Variants in NAALADL2 observed in about 807,000 individuals in gnomAD.
NAALADL2 encodes the protein N-acetylated alpha-linked acidic dipeptidase like 2, also known as inactive N-acetylated-alpha-linked acidic dipeptidase-like protein 2.
NAALADL2 carries 76 observed loss-of-function variants against 87.2 expected under a neutral mutation model. The ratio of observed to expected loss-of-function variants is 0.87; its 90% CI spans 0.72 to 1.05. NAALADL2 has a LOEUF of 1.05. Ranked by LOEUF, NAALADL2 falls within the 50% of genes least tolerant of loss-of-function variation. The pLI is 0.00. For synonymous variants in NAALADL2, 354 were observed against 331.0 expected, an observed-to-expected ratio of 1.07 and a Z score of -0.75; for missense variants, 1,089 against 945.8, an observed-to-expected ratio of 1.15 and a Z score of -1.99.
At chr3:174,563,747 C>T (rs911135807) in intron 2 of NAALADL2, among the ~76,000 whole-genome samples, 1 of 152,014 alleles carries the variant, frequency 6.6e-6, no homozygotes, top group Admixed American at 6.6e-5. Flanking sequence ...GATTTAATTA[C>T]ATTCTGATCA....
chr3:174,861,668 T>A (rs1726524995), intron 1 of NAALADL2, among the ~76,000 whole-genome samples: 1 of 152,108 alleles, frequency 6.6e-6, no homozygotes, highest in Admixed American at 6.6e-5. Flanking sequence ...ATCAAGTGCT[T>A]TGAATAATGA....
intron 4 of NAALADL2, among the ~76,000 whole-genome samples, chr3:175,260,763 C>A (rs1398192925): frequency 6.6e-6 from 1 of 152,064 alleles, no homozygotes; most frequent in Non-Finnish European, 1.5e-5. Flanking sequence ...GGGAGGGAAT[C>A]TCTACATCCG....
At chr3:175,673,356 T>A (rs141436629) in intron 11 of NAALADL2, among the ~76,000 whole-genome samples, 1 of 152,132 alleles carries the variant, frequency 6.6e-6, no homozygotes, top group South Asian at 2.1e-4. Flanking sequence ...AATAGCTATA[T>A]AATATTATTC....
intron 13 of NAALADL2, chr3:175,773,550 A>T (rs1474323371): frequency 6.6e-6 from 1 of 152,086 alleles, no homozygotes; most frequent in Non-Finnish European, 1.5e-5. Context: ...AGGAAGCATG[A>T]CCTCAGAATA....
intron 10 of NAALADL2, among the ~76,000 whole-genome samples, chr3:175,585,360 T>G (rs1720396848): frequency 6.6e-6 from 1 of 152,108 alleles, no homozygotes; most frequent in South Asian, 2.1e-4. Context: ...CTAAAACACC[T>G]TTTATCTTCT....
chr3:175,707,779 AG>A (rs1739931311), intron 11 of NAALADL2, among the ~76,000 whole-genome samples: 1 of 152,102 alleles, frequency 6.6e-6, no homozygotes, highest in Non-Finnish European at 1.5e-5. Flanking sequence ...ACAGTGTAAA[AG>A]GTAGATCTTG....
At chr3:175,702,643 G>A (rs1249586794) in intron 11 of NAALADL2, among the ~76,000 whole-genome samples, 1 of 152,126 alleles carries the variant, frequency 6.6e-6, no homozygotes, top group Non-Finnish European at 1.5e-5. Context: ...TCCCATGCCA[G>A]ATCCTGATGT....
chr3:175,003,836 G>C (rs1412736558), intron 1 of NAALADL2, among the ~76,000 whole-genome samples: 1 of 152,162 alleles, frequency 6.6e-6, no homozygotes, highest in Non-Finnish European at 1.5e-5. Context: ...TGTGTAATGG[G>C]CTTGCTGAAG....
intron 2 of NAALADL2, among the ~76,000 whole-genome samples, chr3:174,604,792 G>C (rs1718827791): frequency 6.8e-6 from 1 of 146,184 alleles, no homozygotes; most frequent in Non-Finnish European, 1.5e-5. Flanking sequence ...TTTTTGAGAT[G>C]GAATCTCACT....
At chr3:175,784,352 A>C (rs1219975331) in intron 13 of NAALADL2, among the ~76,000 whole-genome samples, 4 of 151,908 alleles carry the variant, frequency 2.6e-5, no homozygotes, top group Admixed American at 6.6e-5. Flanking sequence ...TTTGGTTGGT[A>C]AACTATTGAT....
chr3:175,057,924 A>G lies in NAALADL2; in HGVS notation c.44-38866A>G, dbSNP rs114753643. The stretch of plus-strand genomic sequence containing the variant: ...TGGCATTCATGCTAACTTTCTTGTC[A>G]GAGCTAGTCAATAGAGTTTGTAGAG... On this transcript the variant is annotated intron_variant, in intron 1 of 13. Transcript: ENST00000454872. Among the ~76,000 whole-genome samples the G allele has an allele frequency of 3.6e-3, 547 of 152,336 alleles. 1 individual carries two copies. Among genetic ancestry groups the G allele is most frequent in the African/African-American group, 0.013 (525 of 41,576 alleles).
At chr3:174,475,165 GA>G (rs1052875461) in intron 1 of NAALADL2, among the ~76,000 whole-genome samples, 4 of 147,724 alleles carry the variant, frequency 2.7e-5, no homozygotes, top group East Asian at 2.0e-4. Flanking sequence ...TGGTAAATTA[GA>G]AAAAAAAATT....
At chr3:175,261,374 A>G (rs1293595244) in intron 4 of NAALADL2, among the ~76,000 whole-genome samples, 1 of 152,152 alleles carries the variant, frequency 6.6e-6, no homozygotes, top group African/African-American at 2.4e-5. Context: ...GTTACTGTGT[A>G]CTACAAGACA....
intron 3 of NAALADL2, among the ~76,000 whole-genome samples, chr3:175,250,100 T>C (rs1748752273): frequency 6.9e-6 from 1 of 145,338 alleles, no homozygotes; most frequent in Non-Finnish European, 1.5e-5. Flanking sequence ...AACCCGGGAG[T>C]GGAGGTTGCC....
intron 2 of NAALADL2, among the ~76,000 whole-genome samples, chr3:174,681,351 G>A (rs932390647): frequency 4.6e-5 from 7 of 152,142 alleles, no homozygotes; most frequent in East Asian, 3.9e-4. Flanking sequence ...CTAGTGAGAC[G>A]TCAGCTGGGG....
At chr3:175,206,287 T>C (rs1251995000) in intron 2 of NAALADL2, among the ~76,000 whole-genome samples, 1 of 127,786 alleles carries the variant, frequency 7.8e-6, no homozygotes, top group African/African-American at 3.4e-5. Flanking sequence ...TGTGTGTGTG[T>C]ATGTATGTGT....
intron 2 of NAALADL2, among the ~76,000 whole-genome samples, chr3:174,661,858 G>A (rs1460540817): frequency 6.6e-6 from 1 of 152,076 alleles, no homozygotes. Context: ...CTGTAAAAGT[G>A]AAATCATATC....
chr3:175,509,582 T>G (rs902419259), intron 9 of NAALADL2, among the ~76,000 whole-genome samples: 2 of 152,214 alleles, frequency 1.3e-5, no homozygotes, highest in African/African-American at 4.8e-5. Flanking sequence ...AGGTGTTTAT[T>G]TATTTGAAAT....
rs142448192 is a variant in NAALADL2 at position 175,243,361 on chromosome 3, C to G, written c.819+9157C>G. Among the ~76,000 whole-genome samples the G allele has an allele frequency of 9.8e-3, 1,490 of 151,862 alleles. 24 individuals carry two copies. The highest frequency in any genetic ancestry group is 0.034 in the African/African-American group (1,421 of 41,398). On this transcript the variant is annotated intron_variant, in intron 3 of 13. Coordinates refer to ENST00000454872, the MANE Select transcript of NAALADL2 (RefSeq NM_207015.3). ...ACACACACACGCACGCACACACACA[C>G]GCCAGCACAAACCAGTTTATTTCAG...
Sources: gnomAD v4.1 joint callset for allele counts (sites outside exome capture counted in the v4.1 genomes callset) on GRCh38, gnomAD v4.1.1 for gene constraint, MANE v1.5 for transcripts, NCBI Gene and HGNC (gene_info 2026-07-23, HGNC 2026-07-21) for gene names.